The following BCL9 variants were observed in gnomAD, a reference collection of about 807,000 sequenced individuals.
BCL9 encodes B-cell CLL/lymphoma 9 protein.
Under a neutral mutation model 88.5 loss-of-function variants are expected in BCL9, and 25 were observed. The observed-to-expected ratio is 0.28, with a 90% CI of 0.21 to 0.39. The LOEUF is 0.39. Among genes scored for constraint, BCL9 ranks in the 10% least tolerant of loss-of-function variants. BCL9 has a pLI of 1.00. For missense variants in BCL9, 1,817 were observed against 1,877.8 expected (o/e 0.97, Z 0.60); for synonymous variants, 711 against 673.3 (o/e 1.06, Z -0.87).
At chr1:147,577,834 A>G (rs892234997) in intron 1 of BCL9, among the ~76,000 whole-genome samples, 11 of 141,144 alleles carry the variant, frequency 7.8e-5, no homozygotes, top group East Asian at 2.2e-4. Context: ...TTTTCTACCA[A>G]TGTGTGTGTG....
At chr1:147,597,832 G>A (rs1175926350) in intron 1 of BCL9, among the ~76,000 whole-genome samples, 3 of 152,072 alleles carry the variant, frequency 2.0e-5, no homozygotes, top group Non-Finnish European at 2.9e-5. Flanking sequence ...CCCTAGTGTC[G>A]TATGTTTAAT....
At chr1:147,612,609 T>C (rs933653973) in intron 4 of BCL9, among the ~76,000 whole-genome samples, 2 of 152,116 alleles carry the variant, frequency 1.3e-5, no homozygotes, top group Admixed American at 6.6e-5. Context: ...TAGAAACCGT[T>C]GTCCTTTATT....
At chr1:147,585,192 T>C (rs1252589846) in intron 1 of BCL9, among the ~76,000 whole-genome samples, 1 of 152,220 alleles carries the variant, frequency 6.6e-6, no homozygotes, top group Non-Finnish European at 1.5e-5. Context: ...AGATTTGCTA[T>C]GCATGGAACA....
chr1:147,594,171 AACCACTTTT>A (rs1656953053), intron 1 of BCL9, among the ~76,000 whole-genome samples: 1 of 152,236 alleles, frequency 6.6e-6, no homozygotes, highest in Non-Finnish European at 1.5e-5. Flanking sequence ...GGTATACATA[AACCACTTTT>A]TAAAGAAAGA....
intron 1 of BCL9, among the ~76,000 whole-genome samples, chr1:147,587,720 T>A (rs1207593915): frequency 6.6e-6 from 1 of 151,854 alleles, no homozygotes; most frequent in Non-Finnish European, 1.5e-5. Context: ...AAGGAAATGT[T>A]CTCTAATGGT....
chr1:147,580,640 A>T (rs2101548849), intron 1 of BCL9, among the ~76,000 whole-genome samples: 1 of 152,352 alleles, frequency 6.6e-6, no homozygotes, highest in East Asian at 1.9e-4. Flanking sequence ...TTGTAAATAG[A>T]AAAGCGAAGA....
chr1:147,613,200 G>A lies in BCL9; in HGVS notation c.370+1G>A, dbSNP rs201001730. On this transcript the variant is annotated splice_donor_variant, in intron 5 of 9. Transcript: ENST00000234739. LOFTEE classifies it high-confidence loss of function. Reference sequence around the variant, plus strand: ...CCAAACGATGACTCTGACATTAAAGGTATGTCTATAAGATCTTTGAGACTC... The same window carrying A: ...CCAAACGATGACTCTGACATTAAAGATATGTCTATAAGATCTTTGAGACTC... 5 of 1,614,184 alleles carry A rather than the reference G, an allele frequency of 3.1e-6. No homozygotes were observed. The highest frequency in any genetic ancestry group is 4.2e-6 in the Non-Finnish European group (5 of 1,180,008).
chr1:147,572,313 A>G (rs1655923786), intron 1 of BCL9, among the ~76,000 whole-genome samples: 1 of 152,214 alleles, frequency 6.6e-6, no homozygotes, highest in Non-Finnish European at 1.5e-5. Context: ...GTAAAACACA[A>G]TTCTGTCCTG....
intron 1 of BCL9, among the ~76,000 whole-genome samples, chr1:147,549,269 A>T (rs940527545): frequency 4.0e-5 from 6 of 151,854 alleles, no homozygotes; most frequent in South Asian, 4.2e-4. Flanking sequence ...GAGCCACTGC[A>T]CTCGGCCTCC....
At chr1:147,583,821 C>A (rs183921464) in intron 1 of BCL9, among the ~76,000 whole-genome samples, 35 of 151,418 alleles carry the variant, frequency 2.3e-4, no homozygotes, top group African/African-American at 8.0e-4. Flanking sequence ...GGCATGGTGG[C>A]TGGCACTTGT....
intron 1 of BCL9, among the ~76,000 whole-genome samples, chr1:147,556,480 C>T (rs1282230743): frequency 6.6e-6 from 1 of 151,570 alleles, no homozygotes; most frequent in Non-Finnish European, 1.5e-5. Flanking sequence ...GAGACAGAGT[C>T]TCCCTCTGTC....
At chr1:147,545,369 C>T (rs1553194160) in intron 1 of BCL9, among the ~76,000 whole-genome samples, 1 of 152,118 alleles carries the variant, frequency 6.6e-6, no homozygotes, top group Non-Finnish European at 1.5e-5. Context: ...GGAGCTGCCT[C>T]TTGGGGAGGC....
In BCL9 at chr1:147,620,029, A is replaced by G; in HGVS notation, c.1874A>G (p.Gln625Arg). ...PGRGERFPNP[Q>R]GLSEEMFQQQ... ...CGAGGGGAACGCTTCCCAAACCCCC[A>G]AGGATTGTCTGAAGAGATGTTTCAG... Residue 625 changes from glutamine to arginine, a missense_variant, in exon 8 of 10, where the codon CAA becomes CGA. Physicochemically the swap from Gln to Arg is conservative, Grantham distance 43. Around this residue, in one of 2 missense-constraint regions of BCL9, gnomAD observed 1,228 missense variants for 1,191.6 expected, o/e 1.03. Transcript: ENST00000234739. 6.2e-7 allele frequency: 1 copy of G among 1,614,058 alleles called. No homozygotes were observed. The highest frequency in any genetic ancestry group is 8.5e-7 in the Non-Finnish European group (1 of 1,179,988).
intron 9 of BCL9, 148 bp from the exon 10 acceptor site, chr1:147,623,694 T>C: frequency 1.1e-6 from 1 of 890,844 alleles, no homozygotes; most frequent in Non-Finnish European, 1.7e-6. Context: ...TATTATGATC[T>C]TATTGATGGC....
Position 147,624,904 on chromosome 1 carries a change from T to G in BCL9, c.4226T>G (p.Val1409Gly). 1 of 1,613,532 alleles carries G rather than the reference T, an allele frequency of 6.2e-7. No individual in the cohort carries two copies. Among genetic ancestry groups the G allele is most frequent in the Non-Finnish European group, 8.5e-7 (1 of 1,179,498 alleles). Residue 1409 changes from valine (V) to glycine (G), a missense_variant, in exon 10 of 10, where the codon GTG becomes GGG. Physicochemically the swap from Val to Gly is moderately radical, Grantham distance 109. Around this residue, in one of 2 missense-constraint regions of BCL9, gnomAD observed 589 missense variants for 686.2 expected, o/e 0.86. Transcript: ENST00000234739. This position sits in a 1 kb window ranked among gnomAD's most constrained non-coding sequence, Gnocchi z 4.4. ...AGGCCCCGGGGCATGGCTGCTGACGTGGGCATGGGTGGATTTAGCCAAGGA... is the reference window on the plus strand; with the variant it reads ...AGGCCCCGGGGCATGGCTGCTGACGGGGGCATGGGTGGATTTAGCCAAGGA... ...QMRPRGMAAD[V>G]GMGGFSQGPG...
rs201674618 is a variant in BCL9 at position 147,619,044 on chromosome 1, C to G, written c.889C>G (p.Pro297Ala). The stretch of plus-strand genomic sequence containing the variant: ...TGTAGGAAGTCCTGCCAGCTCCACT[C>G]CACTGCCCCCAGATGGTACTGGGCC... ...PSVGSPASST[P>A]LPPDGTGPNS... Residue 297 changes from proline to alanine, a missense_variant, in exon 8 of 10, where the codon CCA becomes GCA. Coordinates refer to ENST00000234739, the MANE Select transcript of BCL9 (RefSeq NM_004326.4). This position sits in a 1 kb window ranked among gnomAD's most constrained non-coding sequence, Gnocchi z 4.1. The G allele has an allele frequency of 8.7e-6, 14 of 1,610,600 alleles. No individual in the cohort carries two copies. The East Asian group carries it at 3.1e-4, about 36-fold the overall frequency.
At chr1:147,588,356 C>T (rs1357101783) in intron 1 of BCL9, among the ~76,000 whole-genome samples, 13 of 152,284 alleles carry the variant, frequency 8.5e-5, no homozygotes, top group African/African-American at 2.9e-4. Context: ...GGCTTCCTTT[C>T]CTACTCTCCA....
intron 1 of BCL9, among the ~76,000 whole-genome samples, chr1:147,587,572 C>A (rs1656671706): frequency 6.6e-6 from 1 of 152,092 alleles, no homozygotes; most frequent in Non-Finnish European, 1.5e-5. Context: ...GGTCAATAAA[C>A]GTTTGTTTAA....
chr1:147,609,816 A>G (rs1336949012), intron 3 of BCL9, among the ~76,000 whole-genome samples: 1 of 152,234 alleles, frequency 6.6e-6, no homozygotes, highest in African/African-American at 2.4e-5. Context: ...TGCTTAGTAC[A>G]TCATGCTGAG....
Sources: allele counts gnomAD v4.1 joint callset (sites outside exome capture counted in the v4.1 genomes callset), GRCh38; gene constraint gnomAD v4.1.1; regional missense constraint gnomAD v4.1.1; non-coding constraint Gnocchi (gnomAD v3.1); transcripts MANE v1.5; gene names NCBI Gene and HGNC (gene_info 2026-07-23, HGNC 2026-07-21).